Variants in CFAP251 observed in about 807,000 individuals in gnomAD.
The protein encoded by CFAP251 is cilia- and flagella-associated protein 251.
A neutral mutation model predicts 126.7 loss-of-function variants in CFAP251; 93 were observed. That is an observed-to-expected ratio of 0.73 (90% CI 0.62 to 0.87). The LOEUF (loss-of-function observed/expected upper bound fraction) is 0.87, where lower values mean the gene tolerates loss of function less well. Among genes scored for constraint, CFAP251 ranks in the 40% least tolerant of loss-of-function variants. The probability of loss-of-function intolerance (pLI) is 0.00; values close to 1 mark genes in which losing one functional copy is unlikely to be tolerated. For synonymous variants in CFAP251, 503 were observed against 506.9 expected (o/e 0.99, Z 0.10); for missense variants, 1,287 against 1,389.2 (o/e 0.93, Z 1.17).
intron 12 of CFAP251, 28 bp from the exon 13 acceptor site, chr12:121,958,915 T>A: frequency 6.4e-7 from 1 of 1,558,960 alleles, no homozygotes; most frequent in Admixed American, 2.1e-5. Flanking sequence ...GTAATCCTTT[T>A]CCATCGTTCT....
At chr12:121,985,259 C>T (rs745332314) in intron 19 of CFAP251, among the ~76,000 whole-genome samples, 8 of 152,028 alleles carry the variant, frequency 5.3e-5, no homozygotes, top group Non-Finnish European at 1.0e-4. Flanking sequence ...CCTGGCCAGG[C>T]GCGGAGGCTC....
At chr12:121,942,672 C>T (rs80292131) in intron 6 of CFAP251, 27 bp downstream of exon 6, 77,621 of 1,579,830 alleles carry the variant, frequency 0.049, 2,189 homozygotes, top group African/African-American at 0.055. Context: ...TTTGGGTCAG[C>T]ATCAGCGAGC....
chr12:121,986,454 C>T (rs577164851), intron 19 of CFAP251, among the ~76,000 whole-genome samples: 32 of 150,786 alleles, frequency 2.1e-4, no homozygotes, highest in South Asian at 8.6e-4. Flanking sequence ...CCCGCCACCA[C>T]GCCTGGCTAA....
At chr12:121,977,662 AAAT>A (rs918888817) in intron 19 of CFAP251, among the ~76,000 whole-genome samples, 1 of 151,220 alleles carries the variant, frequency 6.6e-6, no homozygotes, top group African/African-American at 2.4e-5. Context: ...TCTCCTCAAA[AAAT>A]AAAAAACTGG....
At chr12:121,919,847 GGATCAGTATTT>G (rs1880083399) in intron 1 of CFAP251, among the ~76,000 whole-genome samples, 3 of 152,148 alleles carry the variant, frequency 2.0e-5, no homozygotes. Context: ...GACAGGCCCT[GGATCAGTATTT>G]TTAAGATCTG....
At chr12:121,996,660 T>A (rs929632025) in intron 19 of CFAP251, among the ~76,000 whole-genome samples, 3 of 151,994 alleles carry the variant, frequency 2.0e-5, no homozygotes, top group Non-Finnish European at 2.9e-5. Context: ...AAGGGGAAAA[T>A]TTTTTAAATT....
intron 15 of CFAP251, among the ~76,000 whole-genome samples, chr12:121,965,258 G>T (rs1189389888): frequency 6.6e-6 from 1 of 152,198 alleles, no homozygotes; most frequent in Non-Finnish European, 1.5e-5. Context: ...TCACCAATCA[G>T]ATTAGCAAAG....
intron 5 of CFAP251, among the ~76,000 whole-genome samples, chr12:121,939,002 A>C (rs1485859625): frequency 6.6e-6 from 1 of 151,920 alleles, no homozygotes; most frequent in East Asian, 1.9e-4. Context: ...AAAAAAATTA[A>C]TGAAAACTGA....
At chr12:121,956,988 C>G in intron 10 of CFAP251, 86 bp from the exon 11 acceptor site, 1 of 1,086,182 alleles carries the variant, frequency 9.2e-7, no homozygotes, top group Non-Finnish European at 1.3e-6. Flanking sequence ...GCCCCAGAAT[C>G]CAGAGCCTGA....
chr12:121,941,987 A>C (rs886064392), intron 5 of CFAP251, among the ~76,000 whole-genome samples: 9 of 152,210 alleles, frequency 5.9e-5, no homozygotes, highest in African/African-American at 2.2e-4. Flanking sequence ...TGCCAGGCAC[A>C]ACCTGGCACA....
rs1414148223 is a variant in CFAP251, at chr12:121,962,114, A to G, written c.2444A>G (p.Asn815Ser). 1.2e-6 allele frequency: 2 copies of G among 1,613,896 alleles called. No individual in the cohort carries two copies. Among genetic ancestry groups the G allele is most frequent in the Non-Finnish European group, 1.7e-6 (2 of 1,180,034 alleles). ...AGGGAACTCTTCCTGCTTATTTGCAACAGTGGCTACAAAGTGAAGCTTTTT... is the reference window on the plus strand; with the variant it reads ...AGGGAACTCTTCCTGCTTATTTGCAGCAGTGGCTACAAAGTGAAGCTTTTT... ...LTRELFLLIC[N>S]SGYKVKLFNA... Residue 815 changes from asparagine to serine, a missense_variant, in exon 15 of 22, where the codon AAC (asparagine) becomes AGC (serine). Transcript: ENST00000288912.
At position 121,951,548 on chromosome 12, in the gene CFAP251, A is replaced by AT; in HGVS notation, c.1320+23dup. 1 of 1,566,484 alleles carries AT rather than the reference A, an allele frequency of 6.4e-7. No individual in the cohort carries two copies. Among genetic ancestry groups the AT allele is most frequent in the Non-Finnish European group, 8.8e-7 (1 of 1,142,268 alleles). On this transcript the variant is annotated intron_variant, in intron 9 of 21. Transcript: ENST00000288912. ...CTGAAAAAGTGAGTATGCCTATTGCATTTTTGTCCATCAGATTTTGTGGAG... is the reference window on the plus strand; with the variant it reads ...CTGAAAAAGTGAGTATGCCTATTGCATTTTTTGTCCATCAGATTTTGTGGAG...
At chr12:121,975,011 G>A (rs1882421141) in intron 17 of CFAP251, among the ~76,000 whole-genome samples, 1 of 152,166 alleles carries the variant, frequency 6.6e-6, no homozygotes, top group Non-Finnish European at 1.5e-5. Context: ...ATCATCAAGA[G>A]AATATCACCA....
intron 4 of CFAP251, 62 bp from the exon 5 acceptor site, chr12:121,934,185 A>T: frequency 7.5e-7 from 1 of 1,329,574 alleles, no homozygotes; most frequent in Non-Finnish European, 1.1e-6. Context: ...GCCTTTGCTG[A>T]TAGTGGCCAA....
chr12:122,003,533 A>T, intron 21 of CFAP251, 119 bp from the exon 22 acceptor site: 1 of 691,208 alleles, frequency 1.4e-6, no homozygotes, highest in Non-Finnish European at 2.5e-6. Context: ...TGATCGTGTC[A>T]CTGCACTCCA....
intron 19 of CFAP251, among the ~76,000 whole-genome samples, chr12:121,990,856 TGTTA>T (rs1301606194): frequency 2.0e-5 from 3 of 152,232 alleles, no homozygotes; most frequent in Non-Finnish European, 4.4e-5. Context: ...CGATGGAGCC[TGTTA>T]GTTCGCTTTC....
chr12:121,959,263 C>T (rs1209665939), intron 13 of CFAP251, 169 bp downstream of exon 13: 3 of 644,354 alleles, frequency 4.7e-6, no homozygotes, highest in Non-Finnish European at 7.6e-6. Flanking sequence ...ACAGCAGGAC[C>T]CCACTGCTAC....
intron 2 of CFAP251, among the ~76,000 whole-genome samples, chr12:121,922,217 C>T (rs1242915030): frequency 2.0e-5 from 3 of 151,358 alleles, no homozygotes; most frequent in Non-Finnish European, 1.5e-5. Context: ...AAGTGATTCT[C>T]CTGCCTCAGC....
intron 19 of CFAP251, among the ~76,000 whole-genome samples, chr12:121,983,753 AC>A (rs201486415): frequency 3.5e-3 from 531 of 151,872 alleles, no homozygotes; most frequent in African/African-American, 0.011. Flanking sequence ...AAAAAAAAAA[AC>A]GTTTCCTCTT....
Sources: allele counts gnomAD v4.1 joint callset (sites outside exome capture counted in the v4.1 genomes callset), GRCh38; gene constraint gnomAD v4.1.1; transcripts MANE v1.5; gene names NCBI Gene and HGNC (gene_info 2026-07-23, HGNC 2026-07-21).